Variants in MYO6 observed in about 807,000 individuals in gnomAD.
MYO6 encodes the protein myosin VI, also known as unconventional myosin-VI.
Under a neutral mutation model 178.7 loss-of-function variants are expected in MYO6, and 74 were observed. The observed-to-expected ratio is 0.41, with a 90% CI of 0.34 to 0.50. The LOEUF is 0.50. Ranked by LOEUF, MYO6 falls within the 20% of genes least tolerant of loss-of-function variation. The probability of loss-of-function intolerance (pLI) is 0.09; values close to 1 mark genes in which losing one functional copy is unlikely to be tolerated. For missense variants in MYO6, 1,330 were observed against 1,547.4 expected (o/e 0.86, Z 2.36); for synonymous variants, 477 against 504.6 (o/e 0.95, Z 0.73).
At chr6:75,827,651 A>G (rs1047961438) in intron 3 of MYO6, among the ~76,000 whole-genome samples, 5 of 152,178 alleles carry the variant, frequency 3.3e-5, no homozygotes, top group African/African-American at 1.2e-4. Flanking sequence ...CTGGTATTGG[A>G]GCAGTAGAAA....
At chr6:75,802,606 C>T (rs1007337089) in intron 1 of MYO6, among the ~76,000 whole-genome samples, 1 of 151,764 alleles carries the variant, frequency 6.6e-6, no homozygotes, top group Non-Finnish European at 1.5e-5. Context: ...TTCAGCCTCC[C>T]ACCACGCCAG....
At chr6:75,850,517 A>G (rs1371794431) in intron 11 of MYO6, among the ~76,000 whole-genome samples, 2 of 152,216 alleles carry the variant, frequency 1.3e-5, no homozygotes, top group Non-Finnish European at 2.9e-5. Flanking sequence ...TCTTTCTCCC[A>G]GGCCACTGAA....
chr6:75,858,920 G>T lies in MYO6; in HGVS notation c.1400G>T (p.Ser467Ile). ...TTTTCAGAGTACTTTGAGCATAACA[G>T]TTTTGAACAATTTTGCATCAACTAT... ...IAGFEYFEHN[S>I]FEQFCINYCN... The change falls in exon 14 of 35, where the codon AGT becomes ATT. Residue 467 changes from serine to isoleucine, a missense_variant. Around this residue, in one of 3 missense-constraint regions of MYO6, gnomAD observed 613 missense variants for 816.8 expected, o/e 0.75. Transcript: ENST00000369977. 1 of 1,608,918 alleles carries T rather than the reference G, an allele frequency of 6.2e-7. No individual in the cohort carries two copies. Among genetic ancestry groups the T allele is most frequent in the Non-Finnish European group, 8.5e-7 (1 of 1,176,220 alleles).
chr6:75,785,693 T>C (rs532023211), intron 1 of MYO6, among the ~76,000 whole-genome samples: 9 of 151,840 alleles, frequency 5.9e-5, no homozygotes, highest in South Asian at 2.1e-4. Flanking sequence ...TACAAACTTA[T>C]AGAAGCTTTA....
intron 1 of MYO6, 148 bp from the exon 2 acceptor site, chr6:75,817,353 G>A (rs557723113): frequency 8.3e-6 from 5 of 600,328 alleles, no homozygotes; most frequent in Admixed American, 5.3e-5. Flanking sequence ...TCAGCAAGAG[G>A]CAAGGGAGGA....
chr6:75,754,909 A>G lies in MYO6; in HGVS notation c.-48+5486A>G, dbSNP rs978419276. 4.6e-5 allele frequency among the ~76,000 whole-genome samples: 7 copies of G among 152,188 alleles called. No individual in the cohort carries two copies. In the South Asian group the frequency reaches 6.2e-4, roughly 14 times the overall value. ...GATTTAGTAAATTTATTCCTTTTCT[A>G]CAGGTAAGGAAATGGAGACTCAAAA... On this transcript the variant is annotated intron_variant, in intron 1 of 34. Coordinates refer to ENST00000369977, the MANE Select transcript of MYO6 (RefSeq NM_004999.4).
chr6:75,879,728 C>A, intron 20 of MYO6, 92 bp from the exon 21 acceptor site: 1 of 1,582,634 alleles, frequency 6.3e-7, no homozygotes, highest in Non-Finnish European at 8.7e-7. Flanking sequence ...TTGCCCGTTT[C>A]TAAACAGTAT....
At chr6:75,892,924 A>T (rs1244159397) in intron 28 of MYO6, among the ~76,000 whole-genome samples, 1 of 152,182 alleles carries the variant, frequency 6.6e-6, no homozygotes, top group African/African-American at 2.4e-5. Flanking sequence ...AATTTCACTA[A>T]TGAGTACTCT....
intron 15 of MYO6, 66 bp downstream of exon 15, chr6:75,861,161 T>A (rs1324492884): frequency 2.4e-6 from 3 of 1,247,820 alleles, no homozygotes; most frequent in Admixed American, 3.4e-5. Flanking sequence ...TTAGTGCTTT[T>A]TCTGTGCTTT....
chr6:75,804,853 T>C (rs1187269680), intron 1 of MYO6, among the ~76,000 whole-genome samples: 3 of 147,416 alleles, frequency 2.0e-5, no homozygotes, highest in Admixed American at 1.3e-4. Flanking sequence ...AACATATATA[T>C]ACACATATAT....
intron 1 of MYO6, among the ~76,000 whole-genome samples, chr6:75,797,593 G>T (rs1409748933): frequency 6.6e-6 from 1 of 151,946 alleles, no homozygotes; most frequent in Non-Finnish European, 1.5e-5. Flanking sequence ...GAGTGCAGTG[G>T]CATGATCTTG....
chr6:75,887,638 T>C (rs1245063669), intron 25 of MYO6, among the ~76,000 whole-genome samples: 7 of 13,858 alleles, frequency 5.1e-4, no homozygotes, highest in Admixed American at 4.5e-3. Flanking sequence ...AGACTCCATC[T>C]CAAAAAAAAA....
intron 30 of MYO6, among the ~76,000 whole-genome samples, chr6:75,906,539 G>A (rs1194016775): frequency 6.6e-6 from 1 of 152,132 alleles, no homozygotes; most frequent in South Asian, 2.1e-4. Flanking sequence ...AGCCTGGCTT[G>A]TTGGTGGGTG....
intron 10 of MYO6, among the ~76,000 whole-genome samples, chr6:75,845,599 T>C (rs1275805631): frequency 6.6e-6 from 1 of 151,340 alleles, no homozygotes; most frequent in Admixed American, 6.6e-5. Context: ...GAGGCTAAAG[T>C]GGGAGGATTG....
chr6:75,895,824 G>A (rs917397843), intron 29 of MYO6, among the ~76,000 whole-genome samples: 2 of 151,954 alleles, frequency 1.3e-5, no homozygotes, highest in African/African-American at 2.4e-5. Flanking sequence ...CCTGTTTTAT[G>A]TATTTTTTTT....
chr6:75,836,060 TATCTC>T, intron 7 of MYO6, 104 bp downstream of exon 7: 1 of 785,038 alleles, frequency 1.3e-6, no homozygotes, highest in Non-Finnish European at 2.3e-6. Flanking sequence ...AAGACTCTCT[TATCTC>T]CTACTAATCA....
At chr6:75,805,892 T>TA (rs1770026182) in intron 1 of MYO6, among the ~76,000 whole-genome samples, 1 of 152,206 alleles carries the variant, frequency 6.6e-6, no homozygotes, top group South Asian at 2.1e-4. Flanking sequence ...GAGACTGTCT[T>TA]AAAAATTTCC....
At chr6:75,767,504 CAT>C (rs759200434) in intron 1 of MYO6, among the ~76,000 whole-genome samples, 3 of 148,944 alleles carry the variant, frequency 2.0e-5, no homozygotes, top group Non-Finnish European at 3.0e-5. Flanking sequence ...CATAAATACA[CAT>C]GATTTACAAA....
chr6:75,833,063 T>G, intron 6 of MYO6, 116 bp downstream of exon 6: 1 of 737,102 alleles, frequency 1.4e-6, no homozygotes, highest in Non-Finnish European at 2.4e-6. Flanking sequence ...CACAGCTCAC[T>G]GTAGCCTTGA....
Sources: allele counts gnomAD v4.1 joint callset (sites outside exome capture counted in the v4.1 genomes callset), GRCh38; gene constraint gnomAD v4.1.1; regional missense constraint gnomAD v4.1.1; transcripts MANE v1.5; gene names NCBI Gene and HGNC (gene_info 2026-07-23, HGNC 2026-07-21).